Variants in TECR observed in about 807,000 individuals in gnomAD.
TECR encodes the protein very-long-chain enoyl-CoA reductase.
In TECR, 19 loss-of-function variants were observed where a neutral mutation model predicts 50.6. The observed-to-expected ratio is 0.38, with a 90% CI of 0.26 to 0.55. TECR has a LOEUF of 0.55. Among genes scored for constraint, TECR ranks in the 20% least tolerant of loss-of-function variants. The pLI is 0.79. For missense variants in TECR, 313 were observed against 408.3 expected, an observed-to-expected ratio of 0.77 and a Z score of 2.01; for synonymous variants, 168 against 163.5, an observed-to-expected ratio of 1.03 and a Z score of -0.21.
At chr19:14,530,762 A>G (rs2072613299) in intron 1 of TECR, 1 of 152,154 alleles carries the variant, frequency 6.6e-6, no homozygotes, top group East Asian at 1.9e-4. Flanking sequence ...TTCCCCTCCA[A>G]TTTAAAAAAT....
chr19:14,539,724 C>T (rs1411503679), intron 1 of TECR, among the ~76,000 whole-genome samples: 6 of 152,154 alleles, frequency 3.9e-5, no homozygotes, highest in African/African-American at 1.2e-4. Context: ...CTGCTTTCCT[C>T]ATGCCTGGCC....
At chr19:14,564,693 A>T (rs1376506773) in intron 7 of TECR, 93 bp from the exon 8 acceptor site, 3 of 1,141,976 alleles carry the variant, frequency 2.6e-6, no homozygotes, top group Non-Finnish European at 3.6e-6. Context: ...GTCCTTTCCC[A>T]CCATGCTCCC....
chr19:14,534,153 C>T (rs926890030), intron 1 of TECR: 3 of 151,372 alleles, frequency 2.0e-5, no homozygotes, highest in African/African-American at 7.3e-5. Flanking sequence ...TACACAGAGT[C>T]TCGCACTCTC....
chr19:14,561,043 C>T (rs961187186), intron 1 of TECR, among the ~76,000 whole-genome samples: 11 of 152,150 alleles, frequency 7.2e-5, no homozygotes, highest in Admixed American at 2.6e-4. Flanking sequence ...TTACGGTTCC[C>T]GAGTGCAGGC....
At chr19:14,542,095 A>G (rs1191095595) in intron 1 of TECR, among the ~76,000 whole-genome samples, 6 of 151,972 alleles carry the variant, frequency 3.9e-5, no homozygotes, top group Admixed American at 2.6e-4. Context: ...TTTGATGGCA[A>G]TGAAAGTCCC....
chr19:14,551,383 T>C (rs1237017090), intron 1 of TECR, among the ~76,000 whole-genome samples: 1 of 152,132 alleles, frequency 6.6e-6, no homozygotes, highest in Non-Finnish European at 1.5e-5. Context: ...CCAATTATTA[T>C]ATTTTGTGTA....
chr19:14,548,071 T>C (rs1486345979), intron 1 of TECR, among the ~76,000 whole-genome samples: 1 of 151,874 alleles, frequency 6.6e-6, no homozygotes, highest in Non-Finnish European at 1.5e-5. Flanking sequence ...CAAGCGATTC[T>C]TCTGCCTCAG....
At chr19:14,533,080 C>T (rs1435054552) in intron 1 of TECR, among the ~76,000 whole-genome samples, 1 of 151,850 alleles carries the variant, frequency 6.6e-6, no homozygotes, top group Non-Finnish European at 1.5e-5. Context: ...CCACTGTACT[C>T]CAGCCTGGGT....
rs534459307 is a variant in TECR, at chr19:14,562,521, C to G, written c.16-4C>G. ...AACCTAAAAAGGCTGTTCTCTTCTT[C>G]GAGGTGGAGATTCTGGACGCAAAGA... is the stretch of plus-strand genomic sequence containing the variant. On this transcript the variant is annotated splice_region_variant and splice_polypyrimidine_tract_variant and intron_variant, in intron 1 of 12. Transcript: ENST00000215567. The G allele has an allele frequency of 5.0e-6, 8 of 1,614,226 alleles. No homozygotes were observed. Among genetic ancestry groups the G allele is most frequent in the East Asian group, 2.2e-5 (1 of 44,888 alleles).
At chr19:14,530,010 C>T (rs1400938409) in intron 1 of TECR, 3 of 527,682 alleles carry the variant, frequency 5.7e-6, no homozygotes, top group Non-Finnish European at 1.0e-5. Flanking sequence ...GAGTTGCAGA[C>T]TTTGTCATGG....
At chr19:14,557,443 A>G (rs1348292548) in intron 1 of TECR, among the ~76,000 whole-genome samples, 1 of 142,696 alleles carries the variant, frequency 7.0e-6, no homozygotes. Flanking sequence ...GCCCCGCCTA[A>G]TCATATTTAT....
At chr19:14,562,707 TG>T in intron 2 of TECR, 132 bp downstream of exon 2, 2 of 1,007,064 alleles carry the variant, frequency 2.0e-6, no homozygotes, top group South Asian at 2.6e-5. Flanking sequence ...TGCCCTCACT[TG>T]GGGTAGGGTG....
chr19:14,539,505 CTG>C (rs1470845532), intron 1 of TECR, among the ~76,000 whole-genome samples: 2 of 152,106 alleles, frequency 1.3e-5, no homozygotes, highest in Non-Finnish European at 2.9e-5. Context: ...TCCTAGCTGA[CTG>C]TTCCCCACCG....
chr19:14,551,587 T>C (rs1349161239), intron 1 of TECR, among the ~76,000 whole-genome samples: 1 of 152,116 alleles, frequency 6.6e-6, no homozygotes, highest in Non-Finnish European at 1.5e-5. Context: ...TCTAGGCCCA[T>C]TGGCTGTCTT....
chr19:14,550,110 C>G (rs1174025979), intron 1 of TECR, among the ~76,000 whole-genome samples: 1 of 151,974 alleles, frequency 6.6e-6, no homozygotes, highest in Non-Finnish European at 1.5e-5. Context: ...GAGTTCCATG[C>G]GAGCAGGGAT....
chr19:14,565,430 C>G (rs2074049091), intron 11 of TECR, 140 bp downstream of exon 11: 1 of 1,369,756 alleles, frequency 7.3e-7, no homozygotes, highest in Non-Finnish European at 1.0e-6. Flanking sequence ...ACCGCGGCCT[C>G]TCTGCTGTGG....
intron 1 of TECR, 90 bp from the exon 2 acceptor site, chr19:14,562,435 C>T (rs543114259): frequency 2.1e-4 from 302 of 1,472,698 alleles, no homozygotes; most frequent in Non-Finnish European, 2.7e-4. Context: ...GGAGGCCACC[C>T]CAGGCCTCCT....
chr19:14,533,608 T>C (rs1476703439), intron 1 of TECR, among the ~76,000 whole-genome samples: 1 of 152,146 alleles, frequency 6.6e-6, no homozygotes, highest in Admixed American at 6.6e-5. Flanking sequence ...AACAAATTAA[T>C]GTCTGGTTGA....
Position 14,549,772 on chromosome 19 carries a change from A to G in TECR, c.16-12753A>G, listed in dbSNP as rs576157342. Among the ~76,000 whole-genome samples, 412 of 151,978 alleles carry G rather than the reference A, an allele frequency of 2.7e-3. 7 individuals are homozygous for G. The Middle Eastern group carries it at 0.075, about 28-fold the overall frequency. On this transcript the variant is annotated intron_variant, in intron 1 of 12. Transcript: ENST00000215567. ...AGCCTGACCAACATGGTGAAACCCC[A>G]TCTCTACTAAAAATACAAAAATTAG... is the stretch of plus-strand genomic sequence containing the variant.
Sources: gnomAD v4.1 joint callset for allele counts (sites outside exome capture counted in the v4.1 genomes callset) on GRCh38, gnomAD v4.1.1 for gene constraint, MANE v1.5 for transcripts, NCBI Gene and HGNC (gene_info 2026-07-23, HGNC 2026-07-21) for gene names.